Variants in THSD7B observed in about 807,000 individuals in gnomAD.
THSD7B encodes the protein thrombospondin type-1 domain-containing protein 7B.
A neutral mutation model predicts 213.6 loss-of-function variants in THSD7B; 138 were observed. The observed-to-expected ratio is 0.65, with a 90% CI of 0.56 to 0.74. The LOEUF is 0.74. Ranked by LOEUF, THSD7B falls within the 30% of genes least tolerant of loss-of-function variation. The pLI, the probability that THSD7B is intolerant of heterozygous loss-of-function variation, is 0.00. For missense variants in THSD7B, 1,931 were observed against 1,991.5 expected, an observed-to-expected ratio of 0.97 and a Z score of 0.58; for synonymous variants, 742 against 687.0, an observed-to-expected ratio of 1.08 and a Z score of -1.25.
intron 12 of THSD7B, among the ~76,000 whole-genome samples, chr2:137,291,792 C>G (rs1314045550): frequency 6.6e-6 from 1 of 152,110 alleles, no homozygotes; most frequent in African/African-American, 2.4e-5. Context: ...ACCCAATTCT[C>G]TGATGCCAGG....
chr2:137,448,760 C>T (rs1420334080), intron 14 of THSD7B, among the ~76,000 whole-genome samples: 1 of 151,954 alleles, frequency 6.6e-6, no homozygotes, highest in Non-Finnish European at 1.5e-5. Flanking sequence ...GATTGCGCCA[C>T]TGCACTCCAG....
intron 2 of THSD7B, among the ~76,000 whole-genome samples, chr2:136,889,310 T>G (rs1471004307): frequency 6.6e-6 from 1 of 152,212 alleles, no homozygotes; most frequent in Non-Finnish European, 1.5e-5. Context: ...CAGCTCTTTT[T>G]GCTGTTTATT....
chr2:137,054,917 G>A (rs1426418304), intron 2 of THSD7B, among the ~76,000 whole-genome samples: 1 of 151,980 alleles, frequency 6.6e-6, no homozygotes, highest in African/African-American at 2.4e-5. Context: ...TCGTCTTAAT[G>A]CTCTCCCCAC....
At chr2:136,906,707 A>G (rs192424389) in intron 2 of THSD7B, 13 of 152,276 alleles carry the variant, frequency 8.5e-5, no homozygotes, top group African/African-American at 3.1e-4. Flanking sequence ...TGAAGAATGG[A>G]AGAGGAAGAA....
chr2:136,967,262 C>T (rs937206153), intron 2 of THSD7B, among the ~76,000 whole-genome samples: 3 of 152,208 alleles, frequency 2.0e-5, no homozygotes, highest in African/African-American at 7.2e-5. Flanking sequence ...AGTTGTTTTC[C>T]TCACCTTTCT....
intron 15 of THSD7B, among the ~76,000 whole-genome samples, chr2:137,532,993 T>G (rs1219476419): frequency 1.3e-5 from 2 of 151,194 alleles, no homozygotes; most frequent in African/African-American, 4.8e-5. Flanking sequence ...TCTGTCTGTA[T>G]CTATGTATCT....
intron 2 of THSD7B, among the ~76,000 whole-genome samples, chr2:137,016,987 A>G (rs184253363): frequency 3.3e-5 from 5 of 152,286 alleles, no homozygotes; most frequent in Admixed American, 1.3e-4. Context: ...TTTATGTTAC[A>G]TAGCACTCCC....
At chr2:137,108,451 C>T (rs1688293872) in intron 4 of THSD7B, among the ~76,000 whole-genome samples, 1 of 152,122 alleles carries the variant, frequency 6.6e-6, no homozygotes, top group South Asian at 2.1e-4. Context: ...CTTCTTTTGT[C>T]CCCCTTTCCT....
chr2:137,340,597 G>A (rs187385671), intron 12 of THSD7B, among the ~76,000 whole-genome samples: 1 of 151,814 alleles, frequency 6.6e-6, no homozygotes, highest in Admixed American at 6.6e-5. Context: ...CCAAACCCCT[G>A]CCTCCATAAT....
Position 137,394,976 on chromosome 2 carries a change from T to A in THSD7B, c.2501-10637T>A, listed in dbSNP as rs879886821. On this transcript the variant is annotated intron_variant, in intron 12 of 27. Coordinates refer to ENST00000409968, the MANE Select transcript of THSD7B (RefSeq NM_001316349.2). ...TGGCTCTCTGTTTGTCTGTTATTGGTGTATAAGAATGCTTGTGATTTTTGT... is the reference window on the plus strand; with the variant it reads ...TGGCTCTCTGTTTGTCTGTTATTGGAGTATAAGAATGCTTGTGATTTTTGT... Among the ~76,000 whole-genome samples the A allele has an allele frequency of 4.1e-4, 60 of 147,138 alleles. 1 individual carries two copies. Among genetic ancestry groups the A allele is most frequent in the Non-Finnish European group, 4.5e-4 (30 of 67,014 alleles).
chr2:137,103,541 C>A (rs1442930289), intron 4 of THSD7B, among the ~76,000 whole-genome samples: 1 of 152,014 alleles, frequency 6.6e-6, no homozygotes, highest in Non-Finnish European at 1.5e-5. Context: ...CCGTATTAAC[C>A]TTAAATGTAA....
At chr2:137,161,934 G>T (rs1041794219) in intron 6 of THSD7B, among the ~76,000 whole-genome samples, 1 of 152,168 alleles carries the variant, frequency 6.6e-6, no homozygotes, top group Admixed American at 6.5e-5. Flanking sequence ...TTGGACCAAG[G>T]CTCCTCCAGT....
intron 2 of THSD7B, among the ~76,000 whole-genome samples, chr2:136,972,374 G>A (rs1218456581): frequency 1.3e-5 from 2 of 152,088 alleles, no homozygotes; most frequent in African/African-American, 4.8e-5. Flanking sequence ...TTGCTCTAGC[G>A]AATAGGCAGT....
At chr2:137,335,048 T>A (rs1684607382) in intron 12 of THSD7B, among the ~76,000 whole-genome samples, 1 of 152,216 alleles carries the variant, frequency 6.6e-6, no homozygotes, top group Non-Finnish European at 1.5e-5. Flanking sequence ...ATAAGTCAAT[T>A]AAAGCTCTTT....
chr2:137,448,426 A>T (rs577568008), intron 14 of THSD7B, among the ~76,000 whole-genome samples: 1 of 152,310 alleles, frequency 6.6e-6, no homozygotes, highest in Non-Finnish European at 1.5e-5. Context: ...TAGTCTGTGT[A>T]GACAGAATTT....
chr2:137,288,101 T>C (rs1432049082), intron 12 of THSD7B, among the ~76,000 whole-genome samples: 1 of 152,090 alleles, frequency 6.6e-6, no homozygotes, highest in East Asian at 1.9e-4. Flanking sequence ...GTTTGTACTT[T>C]TTTTGTTTTC....
intron 12 of THSD7B, among the ~76,000 whole-genome samples, chr2:137,317,467 C>G (rs1054599993): frequency 6.6e-6 from 1 of 152,142 alleles, no homozygotes; most frequent in Non-Finnish European, 1.5e-5. Flanking sequence ...TCAAGCAAAA[C>G]AAACAAATCA....
intron 2 of THSD7B, among the ~76,000 whole-genome samples, chr2:137,031,856 G>A (rs1686677351): frequency 6.8e-6 from 1 of 146,774 alleles, no homozygotes; most frequent in South Asian, 2.2e-4. Flanking sequence ...TTAGCTGGGG[G>A]TAGGGGATAA....
intron 5 of THSD7B, among the ~76,000 whole-genome samples, chr2:137,144,243 G>C (rs1487800604): frequency 6.6e-6 from 1 of 152,046 alleles, no homozygotes; most frequent in African/African-American, 2.4e-5. Context: ...TTCTAGACTT[G>C]ACCTGTACAA....
Sources: allele counts gnomAD v4.1 joint callset (sites outside exome capture counted in the v4.1 genomes callset), GRCh38; gene constraint gnomAD v4.1.1; transcripts MANE v1.5; gene names NCBI Gene and HGNC (gene_info 2026-07-23, HGNC 2026-07-21).